The following SGCZ variants were observed in gnomAD, a reference collection of about 807,000 sequenced individuals.
SGCZ encodes the protein zeta-sarcoglycan.
In SGCZ, 40 loss-of-function variants were observed where a neutral mutation model predicts 41.3. The observed-to-expected ratio is 0.97, with a 90% CI of 0.75 to 1.26. SGCZ has a LOEUF of 1.26. Ranked by LOEUF, SGCZ falls within the 50% of genes most tolerant of loss-of-function variation. The pLI is 0.00. For synonymous variants in SGCZ, 206 were observed against 137.5 expected (o/e 1.50, Z -3.49); for missense variants, 552 against 369.8 (o/e 1.49, Z -4.04).
intron 1 of SGCZ, among the ~76,000 whole-genome samples, chr8:15,112,149 A>T (rs1450092089): frequency 1.3e-5 from 2 of 152,216 alleles, no homozygotes; most frequent in East Asian, 1.9e-4. Flanking sequence ...AATATTAGTT[A>T]TATAAGAAGG....
At chr8:14,366,151 T>C (rs1803699253) in intron 2 of SGCZ, among the ~76,000 whole-genome samples, 1 of 152,150 alleles carries the variant, frequency 6.6e-6, no homozygotes, top group South Asian at 2.1e-4. Context: ...GTCTCTGTAT[T>C]AGTCTGCTGT....
intron 4 of SGCZ, among the ~76,000 whole-genome samples, chr8:14,195,258 G>A (rs1192864452): frequency 6.6e-6 from 1 of 152,022 alleles, no homozygotes; most frequent in South Asian, 2.1e-4. Context: ...CCCAAATCAA[G>A]CTGCAGTAGG....
intron 4 of SGCZ, among the ~76,000 whole-genome samples, chr8:14,234,062 G>A (rs1192114570): frequency 1.3e-5 from 2 of 151,918 alleles, no homozygotes; most frequent in South Asian, 2.1e-4. Context: ...ACTTAGTGGG[G>A]GAAATTGGAT....
chr8:14,783,505 A>G (rs1800654463), intron 1 of SGCZ, among the ~76,000 whole-genome samples: 1 of 152,086 alleles, frequency 6.6e-6, no homozygotes, highest in African/African-American at 2.4e-5. Flanking sequence ...AAACAAAAGC[A>G]CAAACTAAAA....
chr8:14,946,352 G>C (rs369675385), intron 1 of SGCZ, among the ~76,000 whole-genome samples: 1 of 151,518 alleles, frequency 6.6e-6, no homozygotes, highest in African/African-American at 2.4e-5. Context: ...TACTCCTCGC[G>C]CATCACAGAA....
At chr8:14,843,484 A>G (rs1359742713) in intron 1 of SGCZ, among the ~76,000 whole-genome samples, 2 of 152,160 alleles carry the variant, frequency 1.3e-5, no homozygotes, top group South Asian at 2.1e-4. Context: ...TGCTTACTAC[A>G]TGCCTGTTCA....
intron 3 of SGCZ, among the ~76,000 whole-genome samples, chr8:14,307,946 T>C (rs2116989400): frequency 6.6e-6 from 1 of 152,232 alleles, no homozygotes; most frequent in Non-Finnish European, 1.5e-5. Context: ...GTCAGTTTTG[T>C]GTGTACCTTT....
intron 1 of SGCZ, among the ~76,000 whole-genome samples, chr8:14,608,536 G>C (rs1006640373): frequency 7.2e-5 from 11 of 152,064 alleles, no homozygotes; most frequent in Non-Finnish European, 1.3e-4. Flanking sequence ...CAGCTGTCTT[G>C]TCAACTGAGG....
At position 14,161,870 on chromosome 8, in the gene SGCZ, A is replaced by G. The variant is rs2116978130; in HGVS notation, c.547+2710T>C. On this transcript the variant is annotated intron_variant, in intron 5 of 7. Transcript: ENST00000382080. ...GTATATCTATACATACAGTCACATA[A>G]GTCACATGTACACATCACACACACA... 2.0e-5 allele frequency among the ~76,000 whole-genome samples: 3 copies of G among 152,288 alleles called. No homozygotes were observed. In the South Asian group the frequency reaches 6.2e-4, roughly 32 times the overall value.
chr8:14,626,459 T>C (rs118017522), intron 1 of SGCZ, among the ~76,000 whole-genome samples: 6,354 of 152,264 alleles, frequency 0.042, 187 homozygotes, highest in Non-Finnish European at 0.063. Context: ...ATTTGAACTT[T>C]GTCTCTTCTA....
At chr8:14,538,087 G>A (rs911894440) in intron 2 of SGCZ, among the ~76,000 whole-genome samples, 27 of 151,880 alleles carry the variant, frequency 1.8e-4, no homozygotes, top group African/African-American at 6.3e-4. Flanking sequence ...TAATTTTAAA[G>A]TATATGTATA....
At chr8:14,340,857 G>T (rs1175214309) in intron 2 of SGCZ, among the ~76,000 whole-genome samples, 1 of 152,076 alleles carries the variant, frequency 6.6e-6, no homozygotes, top group African/African-American at 2.4e-5. Context: ...CATTCACAAT[G>T]CTGAGTAACC....
At chr8:14,707,753 G>A (rs891502453) in intron 1 of SGCZ, among the ~76,000 whole-genome samples, 4 of 152,094 alleles carry the variant, frequency 2.6e-5, no homozygotes, top group African/African-American at 7.2e-5. Context: ...GAACAAGCCC[G>A]TCTGGCTAGC....
intron 2 of SGCZ, among the ~76,000 whole-genome samples, chr8:14,490,069 T>C (rs531443394): frequency 6.6e-6 from 1 of 152,156 alleles, no homozygotes; most frequent in East Asian, 1.9e-4. Context: ...GGTTTCACCA[T>C]GTTGGTCAGG....
chr8:14,103,212 G>A (rs576825504), intron 6 of SGCZ, among the ~76,000 whole-genome samples: 10 of 152,276 alleles, frequency 6.6e-5, no homozygotes, highest in South Asian at 2.1e-4. Context: ...AGAAACAAGT[G>A]TTTTAGACAG....
chr8:14,621,916 T>C (rs1191316850), intron 1 of SGCZ, among the ~76,000 whole-genome samples: 2 of 152,094 alleles, frequency 1.3e-5, no homozygotes, highest in Admixed American at 6.6e-5. Context: ...ATAGAATAAG[T>C]AGGATCTCTC....
intron 1 of SGCZ, among the ~76,000 whole-genome samples, chr8:14,624,166 A>G (rs1806372618): frequency 6.6e-6 from 1 of 152,180 alleles, no homozygotes; most frequent in Non-Finnish European, 1.5e-5. Flanking sequence ...CTGCAGGGTC[A>G]ATGCAGACAC....
At chr8:14,167,442 G>T (rs182359834) in intron 4 of SGCZ, among the ~76,000 whole-genome samples, 114 of 152,218 alleles carry the variant, frequency 7.5e-4, no homozygotes, top group African/African-American at 2.7e-3. Context: ...TATCTGGGTA[G>T]TGCTATATTT....
intron 2 of SGCZ, among the ~76,000 whole-genome samples, chr8:14,374,170 G>C (rs1453397141): frequency 1.3e-5 from 2 of 152,082 alleles, no homozygotes; most frequent in East Asian, 1.9e-4. Context: ...TTGAGTCCAG[G>C]AGTCAGAGAT....
Sources: allele counts gnomAD v4.1 joint callset (sites outside exome capture counted in the v4.1 genomes callset), GRCh38; gene constraint gnomAD v4.1.1; transcripts MANE v1.5; gene names NCBI Gene and HGNC (gene_info 2026-07-23, HGNC 2026-07-21).